ATP6V1E1: variants seen among roughly 807,000 people sequenced by gnomAD.
ATP6V1E1 encodes V-type proton ATPase subunit E 1.
A neutral mutation model predicts 35.2 loss-of-function variants in ATP6V1E1; 21 were observed. That is an observed-to-expected ratio of 0.60 (90% CI 0.42 to 0.86). ATP6V1E1 has a LOEUF of 0.86. Ranked by LOEUF, ATP6V1E1 falls within the 40% of genes least tolerant of loss-of-function variation. The pLI is 0.00. For missense variants in ATP6V1E1, 183 were observed against 272.6 expected (o/e 0.67, Z 2.32); for synonymous variants, 83 against 87.8 (o/e 0.95, Z 0.30).
intron 8 of ATP6V1E1, 22 bp downstream of exon 8, chr22:17,594,507 C>A (rs1041815235): frequency 6.6e-7 from 1 of 1,517,778 alleles, no homozygotes; most frequent in Non-Finnish European, 8.9e-7. Flanking sequence ...GACCAACTAC[C>A]AAGAAGTACC....
intron 2 of ATP6V1E1, among the ~76,000 whole-genome samples, chr22:17,617,742 T>C (rs773331747): frequency 6.6e-6 from 1 of 152,240 alleles, no homozygotes; most frequent in Non-Finnish European, 1.5e-5. Context: ...TAAATGCTGA[T>C]GGAAGGTCAC....
chr22:17,594,674 G>T, intron 7 of ATP6V1E1, 58 bp from the exon 8 acceptor site: 2 of 1,396,858 alleles, frequency 1.4e-6, no homozygotes, highest in Non-Finnish European at 1.9e-6. Context: ...AAGATACATG[G>T]TACCCTTTAC....
At chr22:17,595,569 CCT>C (rs1234935807) in intron 7 of ATP6V1E1, among the ~76,000 whole-genome samples, 1 of 152,194 alleles carries the variant, frequency 6.6e-6, no homozygotes, top group Non-Finnish European at 1.5e-5. Flanking sequence ...GTAGCTCACC[CCT>C]GTAATCCCAG....
chr22:17,593,573 G>A (rs1366889145), intron 8 of ATP6V1E1, among the ~76,000 whole-genome samples: 2 of 152,164 alleles, frequency 1.3e-5, no homozygotes, highest in Non-Finnish European at 2.9e-5. Flanking sequence ...TGAATTTTTC[G>A]GTTTAATTAA....
intron 1 of ATP6V1E1, among the ~76,000 whole-genome samples, chr22:17,626,133 C>T (rs1657343679): frequency 6.6e-6 from 1 of 151,556 alleles, no homozygotes; most frequent in African/African-American, 2.4e-5. Flanking sequence ...AGTGAAACCC[C>T]ATCTCTAATA....
rs9604775 is a variant in ATP6V1E1, at chr22:17,619,195, G to A, written c.99+266C>T. ...TAATCTCAGCTACTCGGGAGGCTGA[G>A]GTAGGAGAATCACTTGAACCTGGGA... On this transcript the variant is annotated intron_variant, in intron 2 of 8. Transcript: ENST00000253413. 76,591 of 480,830 alleles carry A rather than the reference G, an allele frequency of 0.16. 6,981 individuals are homozygous for A. The highest frequency in any genetic ancestry group is 0.29 in the African/African-American group (14,541 of 50,478). 29.8% of individuals were successfully genotyped at this position (480,830 alleles called of 1,614,324 possible). A position where few individuals can be genotyped will look rare whatever the true frequency, so the allele number is the denominator to read the frequency against.
chr22:17,616,015 G>C (rs540129350), intron 2 of ATP6V1E1, among the ~76,000 whole-genome samples: 2 of 150,234 alleles, frequency 1.3e-5, no homozygotes, highest in African/African-American at 2.5e-5. Context: ...CCGGGCGACA[G>C]TGCAAGACTC....
intron 4 of ATP6V1E1, among the ~76,000 whole-genome samples, chr22:17,611,040 A>T (rs1199743296): frequency 6.6e-6 from 1 of 152,208 alleles, no homozygotes; most frequent in African/African-American, 2.4e-5. Context: ...AGACAAACGA[A>T]TATGGCAGAG....
At chr22:17,627,410 T>C (rs1273097575) in intron 1 of ATP6V1E1, among the ~76,000 whole-genome samples, 7 of 151,674 alleles carry the variant, frequency 4.6e-5, no homozygotes, top group African/African-American at 7.3e-5. Context: ...ATTACAGACG[T>C]GAGCCACCAT....
intron 2 of ATP6V1E1, chr22:17,618,913 T>G: frequency 4.6e-6 from 2 of 435,484 alleles, no homozygotes; most frequent in Non-Finnish European, 9.1e-6. Context: ...GGCAGGAGAA[T>G]CACTTGAACC....
At chr22:17,596,268 C>T (rs2057731734) in intron 7 of ATP6V1E1, among the ~76,000 whole-genome samples, 1 of 152,086 alleles carries the variant, frequency 6.6e-6, no homozygotes, top group South Asian at 2.1e-4. Context: ...AAATTTGATT[C>T]TCAATGTGGC....
At chr22:17,610,922 T>C (rs1224977673) in intron 4 of ATP6V1E1, among the ~76,000 whole-genome samples, 1 of 152,242 alleles carries the variant, frequency 6.6e-6, no homozygotes, top group Non-Finnish European at 1.5e-5. Context: ...GACTTAAATG[T>C]GTTCTCTCAT....
At chr22:17,614,957 A>AT (rs2057835614) in intron 2 of ATP6V1E1, among the ~76,000 whole-genome samples, 1 of 151,730 alleles carries the variant, frequency 6.6e-6, no homozygotes, top group Admixed American at 6.6e-5. Context: ...ACCGTTTCAA[A>AT]AAAAAAAAAA....
intron 1 of ATP6V1E1, among the ~76,000 whole-genome samples, chr22:17,619,746 T>TACTGAATGCATATTGTGCTAGGC (rs1256977853): frequency 6.6e-6 from 1 of 152,164 alleles, no homozygotes; most frequent in Non-Finnish European, 1.5e-5. Context: ...GTCAATCACT[T>TACTGAATGCATATTGTGCTAGGC]ACTGAATGCA....
chr22:17,609,290 A>G (rs1426840598), intron 4 of ATP6V1E1, among the ~76,000 whole-genome samples: 1 of 150,360 alleles, frequency 6.7e-6, no homozygotes, highest in African/African-American at 2.4e-5. Flanking sequence ...CCTCTCGAGT[A>G]GCTGGGACTA....
intron 2 of ATP6V1E1, among the ~76,000 whole-genome samples, chr22:17,614,743 C>T (rs1242170541): frequency 3.3e-5 from 5 of 150,894 alleles, no homozygotes; most frequent in Admixed American, 1.3e-4. Flanking sequence ...CAGAGGCAGG[C>T]GGATCATGAG....
At chr22:17,619,707 T>A (rs1022645585) in intron 1 of ATP6V1E1, among the ~76,000 whole-genome samples, 181 bp from the exon 2 acceptor site, 1 of 152,118 alleles carries the variant, frequency 6.6e-6, no homozygotes, top group African/African-American at 2.4e-5. Context: ...ACAACACAGA[T>A]ACCCCGTCTC....
chr22:17,613,079 AGTT>A (rs1186146344), intron 3 of ATP6V1E1, 129 bp downstream of exon 3: 2 of 893,166 alleles, frequency 2.2e-6, no homozygotes, highest in African/African-American at 3.4e-5. Context: ...AAGAAAGAGA[AGTT>A]AAACAATTTG....
At chr22:17,623,793 C>G (rs1207180730) in intron 1 of ATP6V1E1, among the ~76,000 whole-genome samples, 4 of 152,144 alleles carry the variant, frequency 2.6e-5, no homozygotes, top group Non-Finnish European at 5.9e-5. Flanking sequence ...GCACCCTTGG[C>G]TACCAGATTT....
Sources: gnomAD v4.1 joint callset for allele counts (sites outside exome capture counted in the v4.1 genomes callset) on GRCh38, gnomAD v4.1.1 for gene constraint, MANE v1.5 for transcripts, NCBI Gene and HGNC (gene_info 2026-07-23, HGNC 2026-07-21) for gene names.